The following DHX37 variants were observed in gnomAD, a reference collection of about 807,000 sequenced individuals.
DHX37 encodes DEAH-box helicase 37.
A neutral mutation model predicts 134.3 loss-of-function variants in DHX37; 52 were observed. That is an observed-to-expected ratio of 0.39 (90% CI 0.31 to 0.49). DHX37 has a LOEUF of 0.49. Ranked by LOEUF, DHX37 falls within the 20% of genes least tolerant of loss-of-function variation. DHX37 has a pLI of 0.93. For synonymous variants in DHX37, 634 were observed against 670.7 expected, an observed-to-expected ratio of 0.95 and a Z score of 0.85; for missense variants, 1,344 against 1,580.8, an observed-to-expected ratio of 0.85 and a Z score of 2.54.
Position 124,947,604 on chromosome 12 carries a change from C to A in DHX37, c.*198G>T, listed in dbSNP as rs1293265008. 3.2e-6 allele frequency: 2 copies of A among 618,302 alleles called. No homozygotes were observed. The highest frequency in any genetic ancestry group is 5.4e-6 in the Non-Finnish European group (2 of 368,994). 38.3% of individuals were successfully genotyped at this position (618,302 alleles called of 1,614,324 possible). Reference sequence around the variant, plus strand: ...ATATAATAAACAGTTCAAAAAGTCACCCCCGGGCCAGATGGCACGGGCGGC... The same window carrying A: ...ATATAATAAACAGTTCAAAAAGTCAACCCCGGGCCAGATGGCACGGGCGGC... On this transcript the variant is annotated 3_prime_UTR_variant, in exon 27 of 27. Coordinates refer to ENST00000308736, the MANE Select transcript of DHX37 (RefSeq NM_032656.4).
At position 124,974,977 on chromosome 12, in the gene DHX37, T is replaced by C. The variant is rs184549697; in HGVS notation, c.980+442A>G. Reference sequence around the variant, plus strand: ...TTTTAGTAGAGACAGGGTTTCTCCATGTTGGTCAGGTTGGTCTCGAATTCC... The same window carrying C: ...TTTTAGTAGAGACAGGGTTTCTCCACGTTGGTCAGGTTGGTCTCGAATTCC... On this transcript the variant is annotated intron_variant, in intron 6 of 26. Coordinates refer to ENST00000308736, the MANE Select transcript of DHX37 (RefSeq NM_032656.4). 9.9e-5 allele frequency among the ~76,000 whole-genome samples: 15 copies of C among 152,144 alleles called. No individual in the cohort carries two copies. In the East Asian group the frequency reaches 2.7e-3, roughly 27 times the overall value.
In DHX37 at chr12:124,984,329, T is replaced by C. The variant is rs138735851; in HGVS notation, c.277-1706A>G. On this transcript the variant is annotated intron_variant, in intron 2 of 26. Coordinates refer to ENST00000308736, the MANE Select transcript of DHX37 (RefSeq NM_032656.4). The stretch of plus-strand genomic sequence containing the variant: ...AGGTGGGTCACTTCAGGTTGGGAGT[T>C]CAAGACCAGCCTGACCAACATGGAG... Among the ~76,000 whole-genome samples, 687 of 152,276 alleles carry C rather than the reference T, an allele frequency of 4.5e-3. 5 individuals are homozygous for C. Among genetic ancestry groups the C allele is most frequent in the African/African-American group, 0.016 (648 of 41,558 alleles).
At position 124,975,505 on chromosome 12, in the gene DHX37, G is replaced by C; in HGVS notation, c.894C>G (p.Asp298Glu). The C allele has an allele frequency of 6.2e-7, 1 of 1,612,354 alleles. No homozygotes were observed. The highest frequency in any genetic ancestry group is 1.1e-5 in the South Asian group (1 of 91,086). Residue 298 changes from aspartate to glutamate, a missense_variant, in exon 6 of 27, where the codon GAC becomes GAG. Physicochemically the swap from Asp to Glu is conservative, Grantham distance 45. Coordinates refer to ENST00000308736, the MANE Select transcript of DHX37 (RefSeq NM_032656.4). ...FLYEAGFSSE[D>E]SIIGVTEPRR... The stretch of plus-strand genomic sequence containing the variant: ...GGGGCTCCGTGACACCGATGATGCT[G>C]TCTTCACTGGGGGAGGAAGAACATG...
chr12:124,980,786 C>T lies in DHX37; in HGVS notation c.442G>A (p.Gly148Ser), dbSNP rs1444611679. 1.2e-5 allele frequency: 18 copies of T among 1,557,124 alleles called. No homozygotes were observed. The highest frequency in any genetic ancestry group is 4.8e-5 in the East Asian group (2 of 41,772). Residue 148 changes from glycine (G) to serine (S), a missense_variant, in exon 4 of 27, where the codon GGT (glycine) becomes AGT (serine). Coordinates refer to ENST00000308736, the MANE Select transcript of DHX37 (RefSeq NM_032656.4). This position sits in a 1 kb window ranked among gnomAD's most constrained non-coding sequence, Gnocchi z 5.3. ...CAGCGGCGACGCTTCCGGTGGGCAC[C>T]GCTGAGGCTACTGATCTTCTCCTGG... The part of the protein sequence containing the change: ...PGQEKISSLS[G>S]AHRKRRRWPS...
chr12:124,982,954 G>A (rs1424180856), intron 2 of DHX37, among the ~76,000 whole-genome samples: 1 of 152,184 alleles, frequency 6.6e-6, no homozygotes, highest in Non-Finnish European at 1.5e-5. Flanking sequence ...TAGCTGCTCT[G>A]AGGAAGGAGG....
At chr12:124,987,026 C>T (rs1312070006) in intron 1 of DHX37, among the ~76,000 whole-genome samples, 3 of 152,110 alleles carry the variant, frequency 2.0e-5, no homozygotes, top group African/African-American at 4.8e-5. Flanking sequence ...GGATTACAGG[C>T]GTGAGCCACT....
At chr12:124,962,257 T>A (rs1954280853) in intron 15 of DHX37, among the ~76,000 whole-genome samples, 6 of 152,204 alleles carry the variant, frequency 3.9e-5, no homozygotes, top group Admixed American at 3.9e-4. Context: ...GTGTTGGTGC[T>A]GGCCAGGCGT....
Position 124,960,347 on chromosome 12 carries a change from A to C in DHX37, c.2122T>G (p.Leu708Val). ...TTGAGCGCCTTCATTTGAAGGATTA[A>C]GTCTTCAACAGGCCTCCGGGTGATT... ...PEITRRPVED[L>V]ILQMKALNVE... Residue 708 changes from leucine (L) to valine (V), a missense_variant, in exon 16 of 27, where the codon TTA becomes GTA. Transcript: ENST00000308736. 1 of 1,614,142 alleles carries C rather than the reference A, an allele frequency of 6.2e-7. No individual in the cohort carries two copies. Among genetic ancestry groups the C allele is most frequent in the African/African-American group, 1.3e-5 (1 of 75,052 alleles).
chr12:124,966,961 G>A (rs1954402398), intron 11 of DHX37, 83 bp from the exon 12 acceptor site: 8 of 1,577,142 alleles, frequency 5.1e-6, no homozygotes, highest in African/African-American at 1.3e-5. Context: ...TCAAGGCATG[G>A]CCACTCAGTG....
rs191162127 is a variant in DHX37 at position 124,972,939 on chromosome 12, C to T, written c.981-340G>A. Among the ~76,000 whole-genome samples, 176 of 152,326 alleles carry T rather than the reference C, an allele frequency of 1.2e-3. 1 individual carries two copies. Among genetic ancestry groups the T allele is most frequent in the Admixed American group, 6.4e-3 (98 of 15,294 alleles). On this transcript the variant is annotated intron_variant, in intron 6 of 26. Coordinates refer to ENST00000308736, the MANE Select transcript of DHX37 (RefSeq NM_032656.4). The stretch of plus-strand genomic sequence containing the variant: ...ACTTCACAGACTTGGCAACTATCAT[C>T]GGGGTACTGCAGCTGTATGTGTTTC...
chr12:124,985,580 CAAAA>C (rs11327017), intron 2 of DHX37, among the ~76,000 whole-genome samples: 1 of 115,950 alleles, frequency 8.6e-6, no homozygotes, highest in Non-Finnish European at 1.8e-5. Flanking sequence ...ACTAAAAATA[CAAAA>C]AAAAAAAAAA....
chr12:124,975,530 G>C lies in DHX37; in HGVS notation c.888-19C>G. The C allele has an allele frequency of 6.2e-7, 1 of 1,611,022 alleles. No individual in the cohort carries two copies. The highest frequency in any genetic ancestry group is 8.5e-7 in the Non-Finnish European group (1 of 1,179,652). On this transcript the variant is annotated intron_variant, in intron 5 of 26. Coordinates refer to ENST00000308736, the MANE Select transcript of DHX37 (RefSeq NM_032656.4). Reference sequence around the variant, plus strand: ...GTCTTCACTGGGGGAGGAAGAACATGGCCATCAACAGTGCGCGGCCCCACC... The same window carrying C: ...GTCTTCACTGGGGGAGGAAGAACATCGCCATCAACAGTGCGCGGCCCCACC...
chr12:124,969,059 C>A lies in DHX37; in HGVS notation c.1192-91G>T. On this transcript the variant is annotated intron_variant, in intron 8 of 26. Coordinates refer to ENST00000308736, the MANE Select transcript of DHX37 (RefSeq NM_032656.4). Reference sequence around the variant, plus strand: ...CGGCATGGGGGTGCCCTGCTGCCCACCCCGTTTCCAGCCCCCACCCTCTGC... The same window carrying A: ...CGGCATGGGGGTGCCCTGCTGCCCAACCCGTTTCCAGCCCCCACCCTCTGC... The A allele has an allele frequency of 8.6e-6, 11 of 1,277,168 alleles. No homozygotes were observed. In the South Asian group the frequency reaches 9.1e-5, roughly 11 times the overall value. 79.1% of individuals were successfully genotyped at this position (1,277,168 alleles called of 1,614,324 possible). A position where few individuals can be genotyped will look rare whatever the true frequency, so the allele number is the denominator to read the frequency against.
At chr12:124,959,324 C>A (rs1435545911) in intron 16 of DHX37, among the ~76,000 whole-genome samples, 1 of 152,134 alleles carries the variant, frequency 6.6e-6, no homozygotes, top group Admixed American at 6.6e-5. Flanking sequence ...CCACCTGCCT[C>A]GGCCTTCCAA....
chr12:124,976,536 A>C (rs955428390), intron 5 of DHX37, among the ~76,000 whole-genome samples: 5 of 152,050 alleles, frequency 3.3e-5, no homozygotes, highest in African/African-American at 4.8e-5. Flanking sequence ...ACACGGTGAA[A>C]CTCTGTCTCT....
At chr12:124,954,048 G>A in intron 19 of DHX37, 39 bp downstream of exon 19, 4 of 1,609,238 alleles carry the variant, frequency 2.5e-6, no homozygotes, top group Non-Finnish European at 3.4e-6. Context: ...CCAGACCTGG[G>A]TGACCCTCCC....
chr12:124,950,462 T>A lies in DHX37; in HGVS notation c.3072A>T (p.Thr1024=). 6 of 1,587,336 alleles carry A rather than the reference T, an allele frequency of 3.8e-6. No individual in the cohort carries two copies. Among genetic ancestry groups the A allele is most frequent in the Non-Finnish European group, 5.1e-6 (6 of 1,166,494 alleles). Residue 1024 remains threonine, a synonymous_variant, in exon 23 of 27, where the codon ACA becomes ACT. Transcript: ENST00000308736. ...GCACCCGCCCCCGCTCGGGGCAGTA[T>A]GTAGGGGCTGGTTCCTCCAGGGGCT... ...FDKPLEEPAP[T]YCPERGRVLC...
chr12:124,969,621 C>T (rs1954474677), intron 8 of DHX37, among the ~76,000 whole-genome samples: 1 of 151,966 alleles, frequency 6.6e-6, no homozygotes, highest in South Asian at 2.1e-4. Context: ...TAAACCAAGG[C>T]CACAGTGAGG....
intron 3 of DHX37, among the ~76,000 whole-genome samples, chr12:124,981,757 G>A (rs1954764800): frequency 6.6e-6 from 1 of 150,388 alleles, no homozygotes; most frequent in African/African-American, 2.4e-5. Context: ...CTAAGCCACC[G>A]CTGTTTGCAG....
Sources: allele counts gnomAD v4.1 joint callset (sites outside exome capture counted in the v4.1 genomes callset), GRCh38; gene constraint gnomAD v4.1.1; non-coding constraint Gnocchi (gnomAD v3.1); transcripts MANE v1.5; gene names NCBI Gene and HGNC (gene_info 2026-07-23, HGNC 2026-07-21).